Variants in WFDC6 observed in about 807,000 individuals in gnomAD.
WFDC6 encodes the protein WAP four-disulfide core domain protein 6.
WFDC6 carries 10 observed loss-of-function variants against 8.2 expected under a neutral mutation model. That is an observed-to-expected ratio of 1.22 (90% confidence interval 0.75 to 2.07). The LOEUF is 2.07. Ranked by LOEUF, WFDC6 falls within the 30% of genes most tolerant of loss-of-function variation. The pLI is 0.00. For synonymous variants in WFDC6, 28 were observed against 37.0 expected, an observed-to-expected ratio of 0.76 and a Z score of 0.88; for missense variants, 105 against 104.9, an observed-to-expected ratio of 1.00 and a Z score of 0.00.
Position 45,539,417 on chromosome 20 carries a change from T to C in WFDC6, c.-10A>G. ...GTCCTGAGAGTCCCATTTTAGGAAG[T>C]ACTGGCCTGGTTGATGGCACCAAAA... On this transcript the variant is annotated 5_prime_UTR_variant, in exon 1 of 3. Transcript: ENST00000372670. 1 of 1,613,244 alleles carries C rather than the reference T, an allele frequency of 6.2e-7. No homozygotes were observed. Among genetic ancestry groups the C allele is most frequent in the Non-Finnish European group, 8.5e-7 (1 of 1,179,370 alleles).
At position 45,535,030 on chromosome 20, in the gene WFDC6, A is replaced by G. The variant is rs574947555; in HGVS notation, c.223-525T>C. 1.3e-5 allele frequency: 12 copies of G among 906,608 alleles called. No individual in the cohort carries two copies. In the East Asian group the frequency reaches 5.7e-4, roughly 43 times the overall value. 56.2% of individuals were successfully genotyped at this position (906,608 alleles called of 1,614,324 possible). A position where few individuals can be genotyped will look rare whatever the true frequency, so the allele number is the denominator to read the frequency against. ...ACCCTCTTTCCCAAAATATCCTTCT[A>G]CTTATACTTCTGCATTGGAGCTGGT... is the stretch of plus-strand genomic sequence containing the variant. On this transcript the variant is annotated intron_variant, in intron 2 of 2. Transcript: ENST00000372670.
intron 1 of WFDC6, 87 bp downstream of exon 1, chr20:45,539,230 A>C (rs1449046718): frequency 2.2e-6 from 3 of 1,347,854 alleles, no homozygotes; most frequent in Non-Finnish European, 2.1e-6. Context: ...GGAGAAAATA[A>C]TTTCTCAGCT....
chr20:45,534,378 C>A lies in WFDC6; in HGVS notation c.*89G>T, dbSNP rs1242916068. ...AATTCCTGGGGTTCAGTTTCTGGAA[C>A]AGCCAAGGTTTGGCCCGTGGAAGCC... On this transcript the variant is annotated 3_prime_UTR_variant, in exon 3 of 3. Coordinates refer to ENST00000372670, the MANE Select transcript of WFDC6 (RefSeq NM_080827.2). The A allele has an allele frequency of 2.7e-6, 4 of 1,486,546 alleles. No individual in the cohort carries two copies. The Admixed American group carries it at 6.7e-5, about 25-fold the overall frequency. 92.1% of individuals were successfully genotyped at this position (1,486,546 alleles called of 1,614,324 possible).
At position 45,539,342 on chromosome 20, in the gene WFDC6, AG is replaced by A; in HGVS notation, c.65del (p.Pro22LeufsTer24). On this transcript the variant is annotated frameshift_variant, in exon 1 of 3. Transcript: ENST00000372670. LOFTEE classifies it high-confidence loss of function. ...TGCCAAGGATGCCTTCAGCGTGCCC[AG>A]GTTCCTGGATGTCCCCCAAAAGGAT... ...PFILLGDIQEPGHAEGILGKP... is the reference protein window; with the variant it reads ...PFILLGDIQEXGHAEGILGKP... 1 of 1,613,932 alleles carries A rather than the reference AG, an allele frequency of 6.2e-7. No homozygotes were observed. The highest frequency in any genetic ancestry group is 1.1e-5 in the South Asian group (1 of 91,086).
In WFDC6 at chr20:45,534,418, A is replaced by T; in HGVS notation, c.*49T>A. 3.1e-6 allele frequency: 5 copies of T among 1,612,104 alleles called. No individual in the cohort carries two copies. Among genetic ancestry groups the T allele is most frequent in the Middle Eastern group, 3.3e-4 (2 of 6,054 alleles). ...CCGTGGAAGCCAATTTGGAGCATCA[A>T]TCAGGCACACGTGGAGAGAGGCCTG... On this transcript the variant is annotated 3_prime_UTR_variant, in exon 3 of 3. Transcript: ENST00000372670.
chr20:45,536,145 A>T (rs777170703), intron 2 of WFDC6, among the ~76,000 whole-genome samples: 1 of 152,028 alleles, frequency 6.6e-6, no homozygotes, highest in Non-Finnish European at 1.5e-5. Flanking sequence ...TGATTCCTCC[A>T]TGAGAATGTG....
chr20:45,539,476 C>CA lies in WFDC6; in HGVS notation c.-70dup, dbSNP rs1979503731. 2 of 1,447,768 alleles carry CA rather than the reference C, an allele frequency of 1.4e-6. No individual in the cohort carries two copies. The highest frequency in any genetic ancestry group is 1.9e-6 in the Non-Finnish European group (2 of 1,030,862). The allele number at this position is 1,447,768 out of a possible 1,614,324, so 89.7% of individuals were successfully genotyped here. On this transcript the variant is annotated 5_prime_UTR_variant, in exon 1 of 3. Coordinates refer to ENST00000372670, the MANE Select transcript of WFDC6 (RefSeq NM_080827.2). ...TGCTCCTCAGCAGCTCCTACATCTG[C>CA]ACTTTGCCTGCCCCGGTGTGGCCCA...
In WFDC6 at chr20:45,534,456, A is replaced by G. The variant is rs761501852; in HGVS notation, c.*11T>C. 4 of 1,614,050 alleles carry G rather than the reference A, an allele frequency of 2.5e-6. No individual in the cohort carries two copies. Among genetic ancestry groups the G allele is most frequent in the Admixed American group, 1.7e-5 (1 of 60,018 alleles). On this transcript the variant is annotated 3_prime_UTR_variant, in exon 3 of 3. Transcript: ENST00000372670. ...GGAGAGAGGCCTGGATTATGAGCCA[A>G]ATCCTGGAGGTTATTCAAGCTCCTC...
intron 2 of WFDC6, 55 bp downstream of exon 2, chr20:45,537,909 G>A (rs1336534429): frequency 1.9e-6 from 3 of 1,612,450 alleles, no homozygotes; most frequent in Non-Finnish European, 2.5e-6. Context: ...GTAGTGCAGT[G>A]CAGGTGGAGA....
chr20:45,535,010 C>A, intron 2 of WFDC6: 1 of 631,952 alleles, frequency 1.6e-6, no homozygotes, highest in African/African-American at 1.9e-5. Flanking sequence ...TTCCCACCCT[C>A]TTTCCCAAAA....
chr20:45,535,411 T>C, intron 2 of WFDC6: 1 of 1,208,156 alleles, frequency 8.3e-7, no homozygotes, highest in Non-Finnish European at 1.1e-6. Flanking sequence ...CTGGCCACCA[T>C]TCCCTTTGTC....
chr20:45,539,472 T>A lies in WFDC6; in HGVS notation c.-65A>T. 4 of 1,486,790 alleles carry A rather than the reference T, an allele frequency of 2.7e-6. No individual in the cohort carries two copies. The highest frequency in any genetic ancestry group is 3.8e-6 in the Non-Finnish European group (4 of 1,065,732). 92.1% of individuals were successfully genotyped at this position (1,486,790 alleles called of 1,614,324 possible). A position where few individuals can be genotyped will look rare whatever the true frequency, so the allele number is the denominator to read the frequency against. On this transcript the variant is annotated 5_prime_UTR_variant, in exon 1 of 3. It removes an upstream start codon present in the reference 5' UTR. Transcript: ENST00000372670. ...GAACTGCTCCTCAGCAGCTCCTACA[T>A]CTGCACTTTGCCTGCCCCGGTGTGG...
At chr20:45,537,569 A>G in intron 2 of WFDC6, 1 of 1,549,650 alleles carries the variant, frequency 6.5e-7, no homozygotes, top group Non-Finnish European at 8.7e-7. Flanking sequence ...AAAAGCCAGG[A>G]AATACAGATT....
intron 1 of WFDC6, among the ~76,000 whole-genome samples, chr20:45,538,628 A>G (rs1187565518): frequency 6.6e-6 from 1 of 152,240 alleles, no homozygotes; most frequent in Non-Finnish European, 1.5e-5. Flanking sequence ...ATATGGATGA[A>G]GCACTTACTG....
chr20:45,537,956 T>C lies in WFDC6; in HGVS notation c.222+8A>G, dbSNP rs1979430937. On this transcript the variant is annotated splice_region_variant and intron_variant, in intron 2 of 2. Coordinates refer to ENST00000372670, the MANE Select transcript of WFDC6 (RefSeq NM_080827.2). ...GGCACTGGGTAATTTAGGAAGCATC[T>C]GAGTTACCTTTCTGAAGTCTAAACA... 1.9e-6 allele frequency: 3 copies of C among 1,613,768 alleles called. No individual in the cohort carries two copies. The East Asian group carries it at 6.7e-5, about 36-fold the overall frequency.
rs753038682 is a variant in WFDC6 at position 45,534,398 on chromosome 20, G to C, written c.*69C>G. 2.8e-5 allele frequency: 45 copies of C among 1,598,844 alleles called. No homozygotes were observed. The South Asian group carries it at 4.5e-4, about 16-fold the overall frequency. ...TGGAACAGCCAAGGTTTGGCCCGTG[G>C]AAGCCAATTTGGAGCATCAATCAGG... On this transcript the variant is annotated 3_prime_UTR_variant, in exon 3 of 3. Coordinates refer to ENST00000372670, the MANE Select transcript of WFDC6 (RefSeq NM_080827.2).
intron 1 of WFDC6, 45 bp downstream of exon 1, chr20:45,539,272 T>G: frequency 3.6e-5 from 56 of 1,561,166 alleles, no homozygotes; most frequent in Middle Eastern, 1.7e-4. Context: ...TCCTCCCCAC[T>G]GAGTTTCCTT....
chr20:45,535,665 T>C (rs535648515), intron 2 of WFDC6, among the ~76,000 whole-genome samples: 1 of 152,338 alleles, frequency 6.6e-6, no homozygotes, highest in Non-Finnish European at 1.5e-5. Flanking sequence ...AGCTCTCCTT[T>C]ATTTCCTTCC....
At chr20:45,537,859 C>T (rs896394370) in intron 2 of WFDC6, 105 bp downstream of exon 2, 3 of 1,579,622 alleles carry the variant, frequency 1.9e-6, no homozygotes, top group Non-Finnish European at 2.6e-6. Flanking sequence ...TACCTAAACT[C>T]TTGGTCAGAG....
Sources: gnomAD v4.1 joint callset for allele counts (sites outside exome capture counted in the v4.1 genomes callset) on GRCh38, gnomAD v4.1.1 for gene constraint, MANE v1.5 for transcripts, NCBI Gene and HGNC (gene_info 2026-07-23, HGNC 2026-07-21) for gene names.